TIRAP: variants seen among roughly 807,000 people sequenced by gnomAD.
TIRAP encodes the protein TIR domain containing adaptor protein.
TIRAP carries 20 observed loss-of-function variants against 19.8 expected under a neutral mutation model. The ratio of observed to expected loss-of-function variants is 1.01; its 90% CI spans 0.71 to 1.47. The LOEUF (loss-of-function observed/expected upper bound fraction) is 1.47. Ranked by LOEUF, TIRAP falls within the 40% of genes most tolerant of loss-of-function variation. The pLI, the probability that TIRAP is intolerant of heterozygous loss-of-function variation, is 0.00. For synonymous variants in TIRAP, 125 were observed against 121.7 expected (o/e 1.03, Z -0.18); for missense variants, 276 against 285.1 (o/e 0.97, Z 0.23).
rs1565366089 is a variant in TIRAP, at chr11:126,294,179, C to T, written c.*492C>T. On this transcript the variant is annotated 3_prime_UTR_variant, in exon 5 of 5. Coordinates refer to ENST00000392679, the MANE Select transcript of TIRAP (RefSeq NM_001318777.2). ...TGCAGGCCTCACCATGGATGGTCTT[C>T]CTAGTTGCCTGGGGAAACCCTGGAA... is the stretch of plus-strand genomic sequence containing the variant. 1 of 251,222 alleles carries T rather than the reference C, an allele frequency of 4.0e-6. No homozygotes were observed. Among genetic ancestry groups the T allele is most frequent in the East Asian group, 1.0e-4 (1 of 9,838 alleles). 15.6% of individuals were successfully genotyped at this position (251,222 alleles called of 1,614,324 possible).
chr11:126,285,243 G>GTGTGTGTATATATATATATATATATA, intron 1 of TIRAP, among the ~76,000 whole-genome samples: 239 of 106,880 alleles, frequency 2.2e-3, no homozygotes, highest in African/African-American at 4.3e-3. Flanking sequence ...GTGTGTGTGT[G>GTGTGTGTATATATATATATATATATA]TATATATATA....
chr11:126,287,269 T>G lies in TIRAP; in HGVS notation c.-216-3193T>G, dbSNP rs1951332129. On this transcript the variant is annotated intron_variant, in intron 1 of 4. Transcript: ENST00000392679. The surrounding 1 kb of genome is among the most constrained non-coding windows in gnomAD (Gnocchi z 4.2). The stretch of plus-strand genomic sequence containing the variant: ...CACAGGCTCCAGTACATTCCCTATA[T>G]AATAGAAATTGGAGACCAGTTTGAT... Among the ~76,000 whole-genome samples, 1 of 152,282 alleles carries G rather than the reference T, an allele frequency of 6.6e-6. No homozygotes were observed. The highest frequency in any genetic ancestry group is 2.4e-5 in the African/African-American group (1 of 41,566).
Position 126,288,616 on chromosome 11 carries a change from G to A in TIRAP, c.-216-1846G>A, listed in dbSNP as rs377122587. The A allele has an allele frequency of 1.1e-4, 17 of 152,260 alleles. No individual in the cohort carries two copies. The East Asian group carries it at 1.2e-3, about 10-fold the overall frequency. The allele number at this position is 152,260 out of a possible 1,614,324, so 9.4% of individuals were successfully genotyped here. On this transcript the variant is annotated intron_variant, in intron 1 of 4. Transcript: ENST00000392679. This position sits in a 1 kb window ranked among gnomAD's most constrained non-coding sequence, Gnocchi z 5.0. ...TTTAAAACGTTTCCATGTTTCTCAT[G>A]AGGGCTTATACCACCGCACTTCTGG... is the stretch of plus-strand genomic sequence containing the variant.
In TIRAP at chr11:126,290,972, C is replaced by T; in HGVS notation, c.67+11C>T. 1 of 1,600,262 alleles carries T rather than the reference C, an allele frequency of 6.2e-7. No homozygotes were observed. Among genetic ancestry groups the T allele is most frequent in the Non-Finnish European group, 8.5e-7 (1 of 1,172,490 alleles). ...TAGGCAAGATGGCTGGTGAGTGGAACCGGACTCGCGACTCTGCTGTGTTCC... is the reference window on the plus strand; with the variant it reads ...TAGGCAAGATGGCTGGTGAGTGGAATCGGACTCGCGACTCTGCTGTGTTCC... On this transcript the variant is annotated intron_variant, in intron 3 of 4. Coordinates refer to ENST00000392679, the MANE Select transcript of TIRAP (RefSeq NM_001318777.2). The surrounding 1 kb of genome is among the most constrained non-coding windows in gnomAD (Gnocchi z 4.9).
Position 126,291,782 on chromosome 11 carries a change from C to T in TIRAP, c.68-695C>T, listed in dbSNP as rs981282744. Among the ~76,000 whole-genome samples the T allele has an allele frequency of 8.6e-5, 13 of 151,894 alleles. No individual in the cohort carries two copies. Among genetic ancestry groups the T allele is most frequent in the Admixed American group, 1.3e-4 (2 of 15,252 alleles). On this transcript the variant is annotated intron_variant, in intron 3 of 4. Transcript: ENST00000392679. This position sits in a 1 kb window ranked among gnomAD's most constrained non-coding sequence, Gnocchi z 5.6. The stretch of plus-strand genomic sequence containing the variant: ...GACTGATGGATCCTTGCTAGCATAA[C>T]GTAGCTCTGCCTGCAGACTCCCGGT...
rs1951372547 is a variant in TIRAP at position 126,290,825 on chromosome 11, G to C, written c.-70G>C. 1.9e-6 allele frequency: 3 copies of C among 1,541,754 alleles called. No homozygotes were observed. On this transcript the variant is annotated 5_prime_UTR_variant, in exon 3 of 5. Transcript: ENST00000392679. The surrounding 1 kb of genome is among the most constrained non-coding windows in gnomAD (Gnocchi z 4.9). ...TAGGATGGCTGCTCCATGAGGTCAA[G>C]ACTGGGTCTCCTCCCTCCTCCCCCT...
chr11:126,287,711 G>A lies in TIRAP; in HGVS notation c.-216-2751G>A, dbSNP rs1321288083. Among the ~76,000 whole-genome samples the A allele has an allele frequency of 1.3e-5, 2 of 151,986 alleles. No homozygotes were observed. Among genetic ancestry groups the A allele is most frequent in the Admixed American group, 6.6e-5 (1 of 15,254 alleles). On this transcript the variant is annotated intron_variant, in intron 1 of 4. Transcript: ENST00000392679. This position sits in a 1 kb window ranked among gnomAD's most constrained non-coding sequence, Gnocchi z 4.2. ...GAAAAGCATTCTAGAAAGCACTAAA[G>A]GTATTGTGCTACTTCTTTTCTGAAG...
chr11:126,283,462 G>C (rs1951280026), intron 1 of TIRAP, among the ~76,000 whole-genome samples: 1 of 152,380 alleles, frequency 6.6e-6, no homozygotes, highest in Non-Finnish European at 1.5e-5. Context: ...CTGGCGCTCA[G>C]TGCGTTGTGG....
rs915148901 is a variant in TIRAP at position 126,292,434 on chromosome 11, C to T, written c.68-43C>T. 5.0e-6 allele frequency: 8 copies of T among 1,603,376 alleles called. No homozygotes were observed. The Admixed American group carries it at 6.8e-5, about 14-fold the overall frequency. On this transcript the variant is annotated intron_variant, in intron 3 of 4. Coordinates refer to ENST00000392679, the MANE Select transcript of TIRAP (RefSeq NM_001318777.2). Reference sequence around the variant, plus strand: ...CCTCCCTGTGTGGGCAGTGAGAGGGCACCTGGTAACACACAGGCCTGAGCA... The same window carrying T: ...CCTCCCTGTGTGGGCAGTGAGAGGGTACCTGGTAACACACAGGCCTGAGCA...
chr11:126,291,218 A>G lies in TIRAP; in HGVS notation c.67+257A>G, dbSNP rs1951380591. 5 of 596,818 alleles carry G rather than the reference A, an allele frequency of 8.4e-6. No homozygotes were observed. Among genetic ancestry groups the G allele is most frequent in the South Asian group, 8.0e-5 (4 of 49,754 alleles). 37.0% of individuals were successfully genotyped at this position (596,818 alleles called of 1,614,324 possible). ...GCTCAGCTAGCTTTCCTAGCCTGGA[A>G]ACCACTGTGCTGAGTGCTTAACACT... On this transcript the variant is annotated intron_variant, in intron 3 of 4. Transcript: ENST00000392679. The surrounding 1 kb of genome is among the most constrained non-coding windows in gnomAD (Gnocchi z 5.6).
At chr11:126,286,945 G>A (rs369210842) in intron 1 of TIRAP, among the ~76,000 whole-genome samples, 12 of 152,156 alleles carry the variant, frequency 7.9e-5, no homozygotes, top group African/African-American at 1.9e-4. Context: ...TCCCACTGCC[G>A]CCTGCTTCCC....
rs1234871260 is a variant in TIRAP at position 126,288,828 on chromosome 11, A to G, written c.-216-1634A>G. Among the ~76,000 whole-genome samples the G allele has an allele frequency of 6.6e-6, 1 of 152,234 alleles. No homozygotes were observed. The highest frequency in any genetic ancestry group is 1.5e-5 in the Non-Finnish European group (1 of 68,046). ...TTTTTAACCTTTAGAATATTTACAA[A>G]TCAAATGATGCTCTAGTTTACAAGT... On this transcript the variant is annotated intron_variant, in intron 1 of 4. Coordinates refer to ENST00000392679, the MANE Select transcript of TIRAP (RefSeq NM_001318777.2). This position sits in a 1 kb window ranked among gnomAD's most constrained non-coding sequence, Gnocchi z 5.0.
chr11:126,290,981 C>G lies in TIRAP; in HGVS notation c.67+20C>G. On this transcript the variant is annotated intron_variant, in intron 3 of 4. Coordinates refer to ENST00000392679, the MANE Select transcript of TIRAP (RefSeq NM_001318777.2). The surrounding 1 kb of genome is among the most constrained non-coding windows in gnomAD (Gnocchi z 4.9). ...TGGCTGGTGAGTGGAACCGGACTCG[C>G]GACTCTGCTGTGTTCCTGAGTGTAG... The G allele has an allele frequency of 6.3e-7, 1 of 1,594,994 alleles. No individual in the cohort carries two copies.
intron 4 of TIRAP, 137 bp downstream of exon 4, chr11:126,293,192 G>A: frequency 6.7e-7 from 1 of 1,499,804 alleles, no homozygotes; most frequent in Non-Finnish European, 9.0e-7. Context: ...TTTGTATCCT[G>A]GCTCCTGCAC....
Position 126,288,131 on chromosome 11 carries a change from C to T in TIRAP, c.-216-2331C>T, listed in dbSNP as rs1201304517. 2.6e-5 allele frequency among the ~76,000 whole-genome samples: 4 copies of T among 152,338 alleles called. No homozygotes were observed. The highest frequency in any genetic ancestry group is 6.5e-5 in the Admixed American group (1 of 15,294). On this transcript the variant is annotated intron_variant, in intron 1 of 4. Coordinates refer to ENST00000392679, the MANE Select transcript of TIRAP (RefSeq NM_001318777.2). This position sits in a 1 kb window ranked among gnomAD's most constrained non-coding sequence, Gnocchi z 5.0. ...CTGAGCTCACATGATCTGCCCACCT[C>T]GGCCTCCCAAAGTGCTGGGATTACA...
intron 1 of TIRAP, among the ~76,000 whole-genome samples, chr11:126,285,245 A>ATATATATATG (rs1951306841): frequency 2.1e-5 from 1 of 46,668 alleles, no homozygotes; most frequent in Non-Finnish European, 5.2e-5. Flanking sequence ...GTGTGTGTGT[A>ATATATATATG]TATATATATA....
In TIRAP at chr11:126,294,522, A is replaced by C. The variant is rs1344957011; in HGVS notation, c.*835A>C. ...GGGAGCTTCATCAGTGGTCTGGCTA[A>C]AGCTGATACTTTCACAGTCACCATC... On this transcript the variant is annotated 3_prime_UTR_variant, in exon 5 of 5. Coordinates refer to ENST00000392679, the MANE Select transcript of TIRAP (RefSeq NM_001318777.2). 1 of 456,334 alleles carries C rather than the reference A, an allele frequency of 2.2e-6. No homozygotes were observed. Among genetic ancestry groups the C allele is most frequent in the African/African-American group, 2.0e-5 (1 of 50,214 alleles). The allele number at this position is 456,334 out of a possible 1,614,324, so 28.3% of individuals were successfully genotyped here.
chr11:126,289,763 C>T, intron 1 of TIRAP: 3 of 985,446 alleles, frequency 3.0e-6, no homozygotes, highest in South Asian at 9.4e-5. Context: ...CTCTGCTCCA[C>T]AGAAACTTAA....
chr11:126,285,673 T>C (rs1048438438), intron 1 of TIRAP, among the ~76,000 whole-genome samples: 1 of 152,094 alleles, frequency 6.6e-6, no homozygotes, highest in Non-Finnish European at 1.5e-5. Flanking sequence ...TTTTATCATT[T>C]TTTCCCCTTA....
Sources: allele counts gnomAD v4.1 joint callset (sites outside exome capture counted in the v4.1 genomes callset), GRCh38; gene constraint gnomAD v4.1.1; non-coding constraint Gnocchi (gnomAD v3.1); transcripts MANE v1.5; gene names NCBI Gene and HGNC (gene_info 2026-07-23, HGNC 2026-07-21).